LRP1B: variants seen among roughly 807,000 people sequenced by gnomAD.
LRP1B encodes LDL receptor related protein 1B, also known as low-density lipoprotein receptor-related protein 1B.
A neutral mutation model predicts 556.6 loss-of-function variants in LRP1B; 217 were observed. The observed-to-expected ratio is 0.39, with a 90% CI of 0.35 to 0.44. The LOEUF (loss-of-function observed/expected upper bound fraction) is 0.44, where lower values mean the gene tolerates loss of function less well. LRP1B is among the 20% of genes least tolerant of loss of function. The pLI is 1.00. For missense variants in LRP1B, 5,053 were observed against 5,620.8 expected (o/e 0.90, Z 3.23); for synonymous variants, 2,047 against 1,865.8 (o/e 1.10, Z -2.50).
chr2:140,427,253 C>T (rs1325182242), intron 66 of LRP1B, among the ~76,000 whole-genome samples: 5 of 152,116 alleles, frequency 3.3e-5, no homozygotes, highest in Non-Finnish European at 4.4e-5. Context: ...CATTCACCCA[C>T]GTTCCCTTGG....
chr2:140,321,236 GTTTTT>G (rs11351284), intron 82 of LRP1B, among the ~76,000 whole-genome samples: 3 of 151,002 alleles, frequency 2.0e-5, no homozygotes, highest in African/African-American at 4.9e-5. Flanking sequence ...ACTGTTTTGT[GTTTTT>G]TTTATTTTTT....
chr2:140,350,601 A>G (rs1470086810), intron 77 of LRP1B, among the ~76,000 whole-genome samples, 196 bp downstream of exon 77: 1 of 152,064 alleles, frequency 6.6e-6, no homozygotes, highest in Non-Finnish European at 1.5e-5. Flanking sequence ...AAAAACATAA[A>G]AGCATGCAAC....
chr2:141,291,998 A>T (rs190379492), intron 3 of LRP1B, among the ~76,000 whole-genome samples: 5 of 152,246 alleles, frequency 3.3e-5, no homozygotes, highest in Admixed American at 6.5e-5. Flanking sequence ...AATGCGATGA[A>T]CTACTACCAG....
chr2:141,628,459 T>G (rs355590), intron 2 of LRP1B, among the ~76,000 whole-genome samples: 2 of 151,844 alleles, frequency 1.3e-5, no homozygotes, highest in Admixed American at 1.3e-4. Flanking sequence ...AAAAAAAAAA[T>G]TCTTGATGGA....
At chr2:141,206,478 G>T (rs1682287938) in intron 6 of LRP1B, among the ~76,000 whole-genome samples, 1 of 151,974 alleles carries the variant, frequency 6.6e-6, no homozygotes. Flanking sequence ...CCAGCTACTC[G>T]GGAGGCTGAG....
chr2:141,904,889 C>A (rs1175119519), intron 1 of LRP1B, among the ~76,000 whole-genome samples: 1 of 151,876 alleles, frequency 6.6e-6, no homozygotes, highest in Admixed American at 6.6e-5. Context: ...TCTAATAAGA[C>A]AGGGACAGAG....
intron 2 of LRP1B, among the ~76,000 whole-genome samples, chr2:141,589,703 T>G (rs1574112202): frequency 6.6e-6 from 1 of 152,324 alleles, no homozygotes; most frequent in East Asian, 1.9e-4. Flanking sequence ...TGCCTCGAGT[T>G]TTATTGTTTA....
intron 2 of LRP1B, among the ~76,000 whole-genome samples, chr2:141,559,141 T>A (rs1005194231): frequency 6.6e-6 from 1 of 151,698 alleles, no homozygotes; most frequent in Non-Finnish European, 1.5e-5. Context: ...GCCATTTTTT[T>A]AAAGATTTAA....
At chr2:142,122,870 C>A (rs1261800980) in intron 1 of LRP1B, among the ~76,000 whole-genome samples, 1 of 152,048 alleles carries the variant, frequency 6.6e-6, no homozygotes, top group East Asian at 1.9e-4. Context: ...AAAAATATAC[C>A]ATTAAAAGCT....
rs145324955 is a variant in LRP1B, at chr2:140,628,799, G to A, written c.6800-27160C>T. On this transcript the variant is annotated intron_variant, in intron 41 of 90. Transcript: ENST00000389484. The stretch of plus-strand genomic sequence containing the variant: ...GTCTGGTGGGAGGTGATTGGATCAT[G>A]GAGGTGAATTTCCCTTTGCTGTTCC... 3.3e-3 allele frequency among the ~76,000 whole-genome samples: 498 copies of A among 152,204 alleles called. 3 individuals are homozygous for A. The highest frequency in any genetic ancestry group is 9.5e-3 in the African/African-American group (395 of 41,514).
chr2:140,936,290 A>C (rs1298119750), intron 20 of LRP1B, among the ~76,000 whole-genome samples: 3 of 132,804 alleles, frequency 2.3e-5, no homozygotes, highest in African/African-American at 8.3e-5. Flanking sequence ...CAGTGAGCTG[A>C]GATTGTGCCA....
intron 3 of LRP1B, among the ~76,000 whole-genome samples, chr2:141,308,154 C>T (rs1262506253): frequency 2.0e-5 from 3 of 152,142 alleles, no homozygotes; most frequent in Non-Finnish European, 4.4e-5. Flanking sequence ...TATAACCCCA[C>T]CAGAGTTAAT....
At chr2:141,574,214 A>G (rs1686646402) in intron 2 of LRP1B, among the ~76,000 whole-genome samples, 1 of 152,162 alleles carries the variant, frequency 6.6e-6, no homozygotes, top group Non-Finnish European at 1.5e-5. Flanking sequence ...CTGCAAACCG[A>G]ATCCAGGAGC....
At chr2:140,976,410 A>G (rs1696599833) in intron 18 of LRP1B, among the ~76,000 whole-genome samples, 1 of 152,088 alleles carries the variant, frequency 6.6e-6, no homozygotes, top group Non-Finnish European at 1.5e-5. Context: ...ACATGGTTAT[A>G]AAAGATCAAT....
chr2:140,795,519 T>G (rs141104047), intron 32 of LRP1B, among the ~76,000 whole-genome samples: 2 of 152,288 alleles, frequency 1.3e-5, no homozygotes, highest in African/African-American at 4.8e-5. Flanking sequence ...AGATGTCTAT[T>G]TCAAAGTTGT....
intron 2 of LRP1B, among the ~76,000 whole-genome samples, chr2:141,502,882 A>T (rs6705557): frequency 0.83 from 123,250 of 148,426 alleles, 51,594 homozygotes; most frequent in East Asian, 0.97. Flanking sequence ...AAATAAAAAT[A>T]AAAATTAAAA....
chr2:141,968,224 G>T (rs1228340975), intron 1 of LRP1B, among the ~76,000 whole-genome samples: 1 of 151,642 alleles, frequency 6.6e-6, no homozygotes, highest in African/African-American at 2.4e-5. Context: ...CAACATCCCG[G>T]CAAAAAGCCT....
At chr2:140,569,651 A>G (rs1681249699) in intron 43 of LRP1B, among the ~76,000 whole-genome samples, 1 of 152,090 alleles carries the variant, frequency 6.6e-6, no homozygotes, top group African/African-American at 2.4e-5. Flanking sequence ...TAGACATTCA[A>G]TAAGGAAACA....
chr2:141,464,033 T>C (rs1461934014), intron 3 of LRP1B, among the ~76,000 whole-genome samples: 1 of 151,892 alleles, frequency 6.6e-6, no homozygotes, highest in African/African-American at 2.4e-5. Context: ...TCCTAAAAGA[T>C]ATGAGTTGTT....
Sources: gnomAD v4.1 joint callset for allele counts (sites outside exome capture counted in the v4.1 genomes callset) on GRCh38, gnomAD v4.1.1 for gene constraint, MANE v1.5 for transcripts, NCBI Gene and HGNC (gene_info 2026-07-23, HGNC 2026-07-21) for gene names.